The following TMC1 variants were observed in gnomAD, a reference collection of about 807,000 sequenced individuals.
TMC1 encodes transmembrane channel-like protein 1.
TMC1 carries 84 observed loss-of-function variants against 105.8 expected under a neutral mutation model. That is an observed-to-expected ratio of 0.79 (90% CI 0.67 to 0.95). TMC1 has a LOEUF of 0.95. Ranked by LOEUF, TMC1 falls within the 40% of genes least tolerant of loss-of-function variation. The pLI, the probability that TMC1 is intolerant of heterozygous loss-of-function variation, is 0.00. For missense variants in TMC1, 817 were observed against 914.1 expected, an observed-to-expected ratio of 0.89 and a Z score of 1.37; for synonymous variants, 315 against 311.5, an observed-to-expected ratio of 1.01 and a Z score of -0.12.
intron 12 of TMC1, 144 bp downstream of exon 12, chr9:72,755,028 G>T: frequency 4.5e-6 from 1 of 222,716 alleles, no homozygotes; most frequent in Non-Finnish European, 8.5e-6. Context: ...AGAAAGGAAA[G>T]AAAGAAAGAA....
chr9:72,643,977 T>G (rs1825669092), intron 4 of TMC1, among the ~76,000 whole-genome samples: 1 of 152,188 alleles, frequency 6.6e-6, no homozygotes, highest in South Asian at 2.1e-4. Flanking sequence ...TTTTAATAAA[T>G]GTGTAGTGAT....
chr9:72,629,651 A>G (rs1011394890), intron 4 of TMC1, among the ~76,000 whole-genome samples: 3 of 152,164 alleles, frequency 2.0e-5, no homozygotes, highest in Non-Finnish European at 4.4e-5. Flanking sequence ...AACATAGACA[A>G]AATCAAAGGC....
At chr9:72,786,104 G>GT (rs1828163139) in intron 13 of TMC1, among the ~76,000 whole-genome samples, 1 of 152,116 alleles carries the variant, frequency 6.6e-6, no homozygotes, top group South Asian at 2.1e-4. Context: ...ATGACCTCAG[G>GT]GTATAAATGG....
chr9:72,627,031 T>A (rs1003594093), intron 3 of TMC1, among the ~76,000 whole-genome samples: 1 of 137,332 alleles, frequency 7.3e-6, no homozygotes, highest in East Asian at 2.0e-4. Flanking sequence ...ATGTTGTTGG[T>A]TTTTTTTTTT....
intron 12 of TMC1, among the ~76,000 whole-genome samples, chr9:72,771,178 G>A (rs1827919098): frequency 6.6e-6 from 1 of 152,164 alleles, no homozygotes; most frequent in South Asian, 2.1e-4. Context: ...GTGCAGTCCC[G>A]AGTTAAGCAC....
chr9:72,743,202 C>T (rs1827421320), intron 10 of TMC1, among the ~76,000 whole-genome samples: 1 of 151,270 alleles, frequency 6.6e-6, no homozygotes, highest in African/African-American at 2.4e-5. Context: ...CCCGTCTCTA[C>T]TAAAAATACA....
chr9:72,625,703 A>G (rs1432965822), intron 3 of TMC1, among the ~76,000 whole-genome samples: 9 of 141,662 alleles, frequency 6.4e-5, no homozygotes, highest in African/African-American at 1.6e-4. Context: ...AAAAAAAAAG[A>G]AAAAAAAAAA....
chr9:72,634,487 G>A (rs569131728), intron 4 of TMC1, among the ~76,000 whole-genome samples: 1 of 152,290 alleles, frequency 6.6e-6, no homozygotes, highest in South Asian at 2.1e-4. Flanking sequence ...ACTTTCATTA[G>A]TCTTACAAAG....
intron 13 of TMC1, 36 bp downstream of exon 13, chr9:72,772,591 ATT>A (rs1188371029): frequency 1.9e-6 from 3 of 1,612,960 alleles, no homozygotes; most frequent in Non-Finnish European, 2.5e-6. Context: ...GCAAATAATG[ATT>A]TCTGGAATCA....
intron 8 of TMC1, among the ~76,000 whole-genome samples, chr9:72,701,258 T>A (rs1026202201): frequency 6.6e-6 from 1 of 152,210 alleles, no homozygotes; most frequent in Non-Finnish European, 1.5e-5. Flanking sequence ...TCCCCGAACA[T>A]GTCAGTGACC....
chr9:72,534,613 G>T lies in TMC1; in HGVS notation c.-428+12700G>T, dbSNP rs572639353. 5.9e-5 allele frequency among the ~76,000 whole-genome samples: 9 copies of T among 152,214 alleles called. No individual in the cohort carries two copies. In the South Asian group the frequency reaches 1.9e-3, roughly 32 times the overall value. On this transcript the variant is annotated intron_variant, in intron 1 of 23. Coordinates refer to ENST00000297784, the MANE Select transcript of TMC1 (RefSeq NM_138691.3). ...TTTTGGCATGTATAGAAAAATCCCA[G>T]ATATTTCAAAGGCTATCATTAGAAA... is the stretch of plus-strand genomic sequence containing the variant.
At chr9:72,812,106 T>C (rs1363141595) in intron 18 of TMC1, among the ~76,000 whole-genome samples, 2 of 152,186 alleles carry the variant, frequency 1.3e-5, no homozygotes, top group Non-Finnish European at 2.9e-5. Context: ...CCGTAATGCT[T>C]GACTCTAGAA....
chr9:72,686,358 TTGTC>T (rs1325033969), intron 5 of TMC1, among the ~76,000 whole-genome samples: 2 of 152,198 alleles, frequency 1.3e-5, no homozygotes, highest in Non-Finnish European at 2.9e-5. Context: ...ATCTCAGACA[TTGTC>T]TGAGAAAGGA....
chr9:72,721,140 A>G (rs561076929), intron 8 of TMC1, among the ~76,000 whole-genome samples: 3 of 152,362 alleles, frequency 2.0e-5, no homozygotes, highest in Admixed American at 6.5e-5. Context: ...GCTGAAGGGA[A>G]TTAAGAAGCA....
At chr9:72,796,982 C>T (rs35402264) in intron 17 of TMC1, among the ~76,000 whole-genome samples, 29,587 of 151,946 alleles carry the variant, frequency 0.19, 3,259 homozygotes, top group African/African-American at 0.28. Flanking sequence ...CCCCATTACC[C>T]CGGCCCAAAA....
intron 5 of TMC1, among the ~76,000 whole-genome samples, chr9:72,682,533 C>T (rs1826305172): frequency 6.6e-6 from 1 of 152,202 alleles, no homozygotes; most frequent in African/African-American, 2.4e-5. Context: ...ATGGCACGAG[C>T]TTCTTTTTGT....
At chr9:72,720,892 G>T (rs964618475) in intron 8 of TMC1, among the ~76,000 whole-genome samples, 2 of 152,148 alleles carry the variant, frequency 1.3e-5, no homozygotes, top group African/African-American at 4.8e-5. Flanking sequence ...CCTGCTATCT[G>T]TAGTGAACAC....
intron 6 of TMC1, 84 bp from the exon 7 acceptor site, chr9:72,694,459 A>T (rs987540426): frequency 6.2e-5 from 76 of 1,222,090 alleles, no homozygotes; most frequent in Non-Finnish European, 8.2e-5. Context: ...ATGTGTAATA[A>T]TAGTTATTAA....
intron 8 of TMC1, among the ~76,000 whole-genome samples, chr9:72,719,079 G>A (rs892759235): frequency 7.9e-5 from 12 of 152,138 alleles, no homozygotes; most frequent in African/African-American, 2.9e-4. Flanking sequence ...TTGTTTTCAG[G>A]CAGTGGGCAA....
Sources: gnomAD v4.1 joint callset for allele counts (sites outside exome capture counted in the v4.1 genomes callset) on GRCh38, gnomAD v4.1.1 for gene constraint, MANE v1.5 for transcripts, NCBI Gene and HGNC (gene_info 2026-07-23, HGNC 2026-07-21) for gene names.